Variants in INPP5A observed in about 807,000 individuals in gnomAD.
The protein encoded by INPP5A is 43 kDa inositol polyphosphate 5-phophatase.
INPP5A carries 14 observed loss-of-function variants against 65.2 expected under a neutral mutation model. The observed-to-expected ratio is 0.21, with a 90% CI of 0.14 to 0.34. INPP5A has a LOEUF of 0.34. Among genes scored for constraint, INPP5A ranks in the 10% least tolerant of loss-of-function variants. The pLI is 1.00. For synonymous variants in INPP5A, 207 were observed against 208.3 expected (o/e 0.99, Z 0.05); for missense variants, 431 against 545.6 (o/e 0.79, Z 2.09).
At chr10:132,686,147 G>T (rs2073111038) in intron 4 of INPP5A, among the ~76,000 whole-genome samples, 1 of 152,180 alleles carries the variant, frequency 6.6e-6, no homozygotes, top group Non-Finnish European at 1.5e-5. Context: ...GGTTAGCCGG[G>T]GTCTGGATCT....
chr10:132,579,161 CGGTTGCGG>C (rs2071448661), intron 1 of INPP5A, among the ~76,000 whole-genome samples: 1 of 151,176 alleles, frequency 6.6e-6, no homozygotes, highest in Admixed American at 6.6e-5. Context: ...AGAGCCGCGC[CGGTTGCGG>C]GCTCCAAGCT....
intron 1 of INPP5A, among the ~76,000 whole-genome samples, 179 bp from the exon 2 acceptor site, chr10:132,607,736 G>C (rs1665118506): frequency 6.6e-6 from 1 of 152,260 alleles, no homozygotes; most frequent in South Asian, 2.1e-4. Context: ...CCCCCACACA[G>C]AGCGGGGTCC....
At chr10:132,720,102 T>C (rs1265222131) in intron 8 of INPP5A, among the ~76,000 whole-genome samples, 2 of 149,500 alleles carry the variant, frequency 1.3e-5, no homozygotes, top group Non-Finnish European at 3.0e-5. Flanking sequence ...TCTTGCGGGT[T>C]CTGTGGTACC....
rs940867895 is a variant in INPP5A, at chr10:132,549,649, G to A, written c.75+11478G>A. Among the ~76,000 whole-genome samples the A allele has an allele frequency of 4.6e-5, 7 of 152,222 alleles. No individual in the cohort carries two copies. Among genetic ancestry groups the A allele is most frequent in the African/African-American group, 1.7e-4 (7 of 41,466 alleles). On this transcript the variant is annotated intron_variant, in intron 1 of 15. Transcript: ENST00000368594. The surrounding 1 kb of genome is among the most constrained non-coding windows in gnomAD (Gnocchi z 4.9). ...GAGCATGGGGAGTGCAGGTGAAGCA[G>A]GAGCAGACAGGTGCGTGTCCTGGAG...
chr10:132,687,731 A>G (rs577090735), intron 4 of INPP5A, among the ~76,000 whole-genome samples: 4 of 152,086 alleles, frequency 2.6e-5, no homozygotes, highest in East Asian at 3.9e-4. Context: ...ATGAGTGTGC[A>G]TGTGTGTGTG....
At chr10:132,701,227 A>C (rs1275358997) in intron 6 of INPP5A, among the ~76,000 whole-genome samples, 1 of 152,188 alleles carries the variant, frequency 6.6e-6, no homozygotes, top group African/African-American at 2.4e-5. Flanking sequence ...GAGAGACTTC[A>C]TATCATCAGG....
intron 2 of INPP5A, among the ~76,000 whole-genome samples, chr10:132,615,623 G>A (rs1169124582): frequency 6.6e-6 from 1 of 152,244 alleles, no homozygotes; most frequent in Admixed American, 6.5e-5. Flanking sequence ...TTCTGCCCCT[G>A]GTGAAGCAGC....
At chr10:132,703,306 C>G (rs1343899048) in intron 6 of INPP5A, among the ~76,000 whole-genome samples, 1 of 152,126 alleles carries the variant, frequency 6.6e-6, no homozygotes, top group Admixed American at 6.5e-5. Context: ...CCCGCGGTGC[C>G]TGTCTTCCCA....
intron 11 of INPP5A, among the ~76,000 whole-genome samples, chr10:132,758,114 C>G (rs1384391765): frequency 7.8e-6 from 1 of 128,594 alleles, no homozygotes; most frequent in Non-Finnish European, 1.6e-5. Context: ...GGCGTGGGTC[C>G]CCGGCCGACC....
intron 4 of INPP5A, among the ~76,000 whole-genome samples, chr10:132,652,207 C>T (rs371232961): frequency 3.3e-5 from 5 of 152,270 alleles, no homozygotes; most frequent in African/African-American, 9.6e-5. Context: ...AGAAAAACAC[C>T]ACTGGGGGAG....
intron 9 of INPP5A, among the ~76,000 whole-genome samples, chr10:132,738,854 C>T (rs1846224501): frequency 1.3e-5 from 2 of 152,204 alleles, no homozygotes; most frequent in South Asian, 4.1e-4. Flanking sequence ...TTTCTGCACC[C>T]CATAAGCTTG....
chr10:132,710,551 G>T, intron 8 of INPP5A, 95 bp downstream of exon 8: 1 of 1,521,466 alleles, frequency 6.6e-7, no homozygotes, highest in East Asian at 2.5e-5. Flanking sequence ...GGACAAGTAG[G>T]TATGCTGGGC....
At chr10:132,744,474 C>G (rs1401878484) in intron 9 of INPP5A, among the ~76,000 whole-genome samples, 2 of 152,136 alleles carry the variant, frequency 1.3e-5, no homozygotes. Flanking sequence ...CAGCGGACAT[C>G]CCGTTCATGG....
At position 132,663,989 on chromosome 10, in the gene INPP5A, C is replaced by T. The variant is rs373887250; in HGVS notation, c.306+13484C>T. Among the ~76,000 whole-genome samples the T allele has an allele frequency of 1.3e-5, 2 of 152,230 alleles. No homozygotes were observed. The highest frequency in any genetic ancestry group is 2.4e-5 in the African/African-American group (1 of 41,464). On this transcript the variant is annotated intron_variant, in intron 4 of 15. Transcript: ENST00000368594. The surrounding 1 kb of genome is among the most constrained non-coding windows in gnomAD (Gnocchi z 4.5). ...CACGCAGCCCAGGAAACAAACACGC[C>T]GCGCGAAAGGTATTGGTGAACGAAC...
At chr10:132,758,551 G>A (rs2134661499) in intron 11 of INPP5A, among the ~76,000 whole-genome samples, 1 of 151,208 alleles carries the variant, frequency 6.6e-6, no homozygotes, top group Admixed American at 6.6e-5. Flanking sequence ...GTCCCCAGCT[G>A]ACCCTATGGG....
intron 4 of INPP5A, among the ~76,000 whole-genome samples, chr10:132,677,669 C>A (rs982748074): frequency 1.3e-5 from 2 of 152,196 alleles, no homozygotes; most frequent in South Asian, 2.1e-4. Flanking sequence ...TGTTAACGGG[C>A]GCACTCGTCT....
intron 9 of INPP5A, among the ~76,000 whole-genome samples, chr10:132,731,444 C>T (rs12257589): frequency 0.024 from 3,620 of 150,240 alleles, 131 homozygotes; most frequent in African/African-American, 0.083. Context: ...TGGGAGTGAC[C>T]GCGTCCCTGC....
rs915947872 is a variant in INPP5A at position 132,704,910 on chromosome 10, G to A, written c.475-3403G>A. On this transcript the variant is annotated intron_variant, in intron 6 of 15. Coordinates refer to ENST00000368594, the MANE Select transcript of INPP5A (RefSeq NM_005539.5). The surrounding 1 kb of genome is among the most constrained non-coding windows in gnomAD (Gnocchi z 4.5). ...GGAGTGTGGAGGATGGAGGAAGGGC[G>A]TCTGGACAGGCGGCAGGCAGCTCCT... Among the ~76,000 whole-genome samples the A allele has an allele frequency of 1.4e-5, 2 of 146,130 alleles. No homozygotes were observed. Among genetic ancestry groups the A allele is most frequent in the East Asian group, 2.1e-4 (1 of 4,866 alleles).
chr10:132,634,275 CCGGAGAGGCG>C (rs2072310292), intron 2 of INPP5A, among the ~76,000 whole-genome samples: 1 of 148,330 alleles, frequency 6.7e-6, no homozygotes, highest in African/African-American at 2.5e-5. Flanking sequence ...CAGGTGTGCC[CCGGAGAGGCG>C]TATCATCTCC....
Sources: allele counts gnomAD v4.1 joint callset (sites outside exome capture counted in the v4.1 genomes callset), GRCh38; gene constraint gnomAD v4.1.1; non-coding constraint Gnocchi (gnomAD v3.1); transcripts MANE v1.5; gene names NCBI Gene and HGNC (gene_info 2026-07-23, HGNC 2026-07-21).